The following KY variants were observed in gnomAD, a reference collection of about 807,000 sequenced individuals.
KY encodes the protein kyphoscoliosis peptidase.
A neutral mutation model predicts 76.1 loss-of-function variants in KY; 43 were observed. The observed-to-expected ratio is 0.57, with a 90% CI of 0.44 to 0.73. The LOEUF (loss-of-function observed/expected upper bound fraction) is 0.73, where lower values mean the gene tolerates loss of function less well. Among genes scored for constraint, KY ranks in the 30% least tolerant of loss-of-function variants. KY has a pLI of 0.00. For synonymous variants in KY, 277 were observed against 326.2 expected (o/e 0.85, Z 1.63); for missense variants, 722 against 828.9 (o/e 0.87, Z 1.58).
chr3:134,641,738 C>T (rs1415772060), intron 3 of KY, among the ~76,000 whole-genome samples: 2 of 152,158 alleles, frequency 1.3e-5, no homozygotes, highest in Non-Finnish European at 2.9e-5. Flanking sequence ...CCCATACCCG[C>T]ACACACCCCT....
At chr3:134,633,545 AT>A (rs755060138) in intron 3 of KY, among the ~76,000 whole-genome samples, 11 of 152,130 alleles carry the variant, frequency 7.2e-5, no homozygotes, top group Non-Finnish European at 1.5e-4. Flanking sequence ...ATTTGACAAA[AT>A]TTAACATCCG....
chr3:134,621,298 C>G (rs1283356960), intron 6 of KY, among the ~76,000 whole-genome samples: 1 of 152,150 alleles, frequency 6.6e-6, no homozygotes, highest in African/African-American at 2.4e-5. Flanking sequence ...TTGAAGGACA[C>G]AAGTTCCCCA....
intron 3 of KY, among the ~76,000 whole-genome samples, chr3:134,640,954 C>A (rs1965672106): frequency 6.6e-6 from 1 of 152,208 alleles, no homozygotes; most frequent in Non-Finnish European, 1.5e-5. Flanking sequence ...AGATTAGAAG[C>A]CTCCCAGGCC....
intron 6 of KY, among the ~76,000 whole-genome samples, 173 bp from the exon 7 acceptor site, chr3:134,621,030 G>C (rs1054289184): frequency 5.3e-5 from 8 of 152,180 alleles, no homozygotes; most frequent in African/African-American, 1.9e-4. Context: ...GGGGAAGTTG[G>C]ACAGGGCAGG....
chr3:134,632,798 A>G (rs1041554366), intron 3 of KY, among the ~76,000 whole-genome samples: 1 of 152,026 alleles, frequency 6.6e-6, no homozygotes, highest in South Asian at 2.1e-4. Context: ...AGAATAATCA[A>G]TGAAACTAAA....
rs1958918075 is a variant in KY at position 134,600,527 on chromosome 3, A to G, written c.*3052T>C. Among the ~76,000 whole-genome samples the G allele has an allele frequency of 6.6e-6, 1 of 152,310 alleles. No homozygotes were observed. Among genetic ancestry groups the G allele is most frequent in the East Asian group, 1.9e-4 (1 of 5,170 alleles). Reference sequence around the variant, plus strand: ...ATTGAAAATGGAGTCCAGCTGAGCTATGGCACTTCTGAAACAAGCTGGAAA... The same window carrying G: ...ATTGAAAATGGAGTCCAGCTGAGCTGTGGCACTTCTGAAACAAGCTGGAAA... On this transcript the variant is annotated 3_prime_UTR_variant, in exon 11 of 11. Transcript: ENST00000423778.
chr3:134,619,311 C>G (rs1247274007), intron 7 of KY, 46 bp from the exon 8 acceptor site: 2 of 1,427,126 alleles, frequency 1.4e-6, no homozygotes, highest in Non-Finnish European at 2.0e-6. Flanking sequence ...GCCTGGGAGG[C>G]GAGAAGACTC....
chr3:134,639,184 C>T (rs1020389197), intron 3 of KY, among the ~76,000 whole-genome samples: 1 of 151,068 alleles, frequency 6.6e-6, no homozygotes, highest in African/African-American at 2.4e-5. Context: ...CAGAGACATG[C>T]TGTGATTCCA....
intron 3 of KY, among the ~76,000 whole-genome samples, chr3:134,634,290 A>G (rs1964622032): frequency 1.3e-5 from 2 of 152,178 alleles, no homozygotes; most frequent in Admixed American, 6.5e-5. Context: ...GAACTGGAAT[A>G]ACTAAACTAA....
chr3:134,639,081 T>TTC (rs1453328073), intron 3 of KY, among the ~76,000 whole-genome samples: 1 of 151,328 alleles, frequency 6.6e-6, no homozygotes, highest in African/African-American at 2.4e-5. Context: ...TTTTTTTTTT[T>TTC]TTTTCCTGCA....
At position 134,604,344 on chromosome 3, in the gene KY, T is replaced by G; in HGVS notation, c.1221A>C (p.Pro407=). ...KNGMKLEVYP[P]TMGTHKLQIF... ...TCTGCAGCTTGTGAGTGCCCATGGTTGGAGGGTACACCTCCAACTTCATCC... is the reference window on the plus strand; with the variant it reads ...TCTGCAGCTTGTGAGTGCCCATGGTGGGAGGGTACACCTCCAACTTCATCC... Residue 407 remains proline, a synonymous_variant, in exon 11 of 11, where the codon CCA becomes CCC. Coordinates refer to ENST00000423778, the MANE Select transcript of KY (RefSeq NM_178554.6). The G allele has an allele frequency of 1.9e-6, 3 of 1,613,992 alleles. No homozygotes were observed. The highest frequency in any genetic ancestry group is 1.7e-5 in the Admixed American group (1 of 60,018).
intron 8 of KY, among the ~76,000 whole-genome samples, chr3:134,614,248 C>T (rs199914391): frequency 1.3e-5 from 2 of 152,048 alleles, no homozygotes; most frequent in Non-Finnish European, 2.9e-5. Context: ...TGAAGAGCTC[C>T]GACCAGCCAT....
intron 10 of KY, chr3:134,607,661 G>C (rs1553805193): frequency 1.0e-6 from 1 of 985,664 alleles, no homozygotes. Context: ...GCTTTTTTGT[G>C]ACCAGTTCTG....
chr3:134,638,790 A>G (rs541127933), intron 3 of KY, among the ~76,000 whole-genome samples: 4 of 152,354 alleles, frequency 2.6e-5, no homozygotes, highest in South Asian at 2.1e-4. Flanking sequence ...GGATTTATCT[A>G]AAGGCCTAAT....
chr3:134,642,228 C>A (rs13085889), intron 3 of KY, among the ~76,000 whole-genome samples: 30,616 of 152,164 alleles, frequency 0.2, 3,562 homozygotes, highest in Non-Finnish European at 0.27. Flanking sequence ...TTTCAGAGAG[C>A]AATTCCCTGA....
intron 8 of KY, 49 bp downstream of exon 8, chr3:134,619,099 G>T: frequency 6.9e-7 from 1 of 1,449,888 alleles, no homozygotes; most frequent in Non-Finnish European, 9.7e-7. Flanking sequence ...TGTGGAAGAG[G>T]GAGAGGGATG....
At chr3:134,644,529 C>T (rs553977384) in intron 2 of KY, among the ~76,000 whole-genome samples, 187 of 152,294 alleles carry the variant, frequency 1.2e-3, no homozygotes, top group African/African-American at 4.0e-3. Context: ...TGGAGGTTCC[C>T]CCACCACTAC....
rs557195673 is a variant in KY at position 134,618,009 on chromosome 3, G to C, written c.710+1139C>G. On this transcript the variant is annotated intron_variant, in intron 8 of 10. Transcript: ENST00000423778. Reference sequence around the variant, plus strand: ...AGGAGGTATGCTTGGGTCTGGGGTAGGGGGTGGGAAGCAGCCTGGGTGGCA... The same window carrying C: ...AGGAGGTATGCTTGGGTCTGGGGTACGGGGTGGGAAGCAGCCTGGGTGGCA... 5.3e-5 allele frequency among the ~76,000 whole-genome samples: 8 copies of C among 152,278 alleles called. No individual in the cohort carries two copies. The South Asian group carries it at 1.7e-3, about 32-fold the overall frequency.
chr3:134,606,688 C>T (rs1489559175), intron 10 of KY, among the ~76,000 whole-genome samples: 1 of 152,158 alleles, frequency 6.6e-6, no homozygotes, highest in Non-Finnish European at 1.5e-5. Flanking sequence ...GTCTTAGTGC[C>T]TGGTTGTGGT....
Sources: allele counts gnomAD v4.1 joint callset (sites outside exome capture counted in the v4.1 genomes callset), GRCh38; gene constraint gnomAD v4.1.1; transcripts MANE v1.5; gene names NCBI Gene and HGNC (gene_info 2026-07-23, HGNC 2026-07-21).